The following CDKAL1 variants were observed in gnomAD, a reference collection of about 807,000 sequenced individuals.
CDKAL1 encodes the protein threonylcarbamoyladenosine tRNA methylthiotransferase.
CDKAL1 carries 32 observed loss-of-function variants against 68.2 expected under a neutral mutation model. The ratio of observed to expected loss-of-function variants is 0.47; its 90% CI spans 0.35 to 0.63. The LOEUF is 0.63. Among genes scored for constraint, CDKAL1 ranks in the 30% least tolerant of loss-of-function variants. CDKAL1 has a pLI of 0.00. For missense variants in CDKAL1, 606 were observed against 696.7 expected, an observed-to-expected ratio of 0.87 and a Z score of 1.47; for synonymous variants, 234 against 244.3, an observed-to-expected ratio of 0.96 and a Z score of 0.39.
chr6:21,038,047 G>C (rs1680267021), intron 11 of CDKAL1, among the ~76,000 whole-genome samples: 1 of 152,214 alleles, frequency 6.6e-6, no homozygotes, highest in Non-Finnish European at 1.5e-5. Flanking sequence ...CATGATTACT[G>C]TCCACAAGGA....
rs532922471 is a variant in CDKAL1 at position 20,635,042 on chromosome 6, A to G, written c.287-14251A>G. On this transcript the variant is annotated intron_variant, in intron 4 of 15. Coordinates refer to ENST00000274695, the MANE Select transcript of CDKAL1 (RefSeq NM_017774.3). ...TGATTCCTAGGGTTCTGGTTTCACC[A>G]TTTGGGGAGATGTGCCATTTATGGA... is the stretch of plus-strand genomic sequence containing the variant. Among the ~76,000 whole-genome samples the G allele has an allele frequency of 2.6e-5, 4 of 151,850 alleles. No homozygotes were observed. The East Asian group carries it at 7.7e-4, about 29-fold the overall frequency.
chr6:21,105,819 T>C (rs1339816794), intron 12 of CDKAL1, among the ~76,000 whole-genome samples: 1 of 152,158 alleles, frequency 6.6e-6, no homozygotes, highest in Non-Finnish European at 1.5e-5. Flanking sequence ...TCACAGAATT[T>C]TAAGATGTGG....
At position 21,093,694 on chromosome 6, in the gene CDKAL1, CTTTTTTTTTTTTTTTTTTTTT is replaced by C. The variant is rs547923386; in HGVS notation, c.1237-14687_1237-14667del. Among the ~76,000 whole-genome samples, 380 of 88,084 alleles carry C rather than the reference CTTTTTTTTTTTTTTTTTTTTT, an allele frequency of 4.3e-3. 5 individuals are homozygous for C. The highest frequency in any genetic ancestry group is 0.016 in the African/African-American group (356 of 21,932). 57.8% of individuals were successfully genotyped at this position (88,084 alleles called of 152,430 possible). ...ATAACCAACTGAGCTGCTGCTGCTG[CTTTTTTTTTTTTTTTTTTTTT>C]TTTTTTTTTTTTTTTTTTTGGAGAC... On this transcript the variant is annotated intron_variant, in intron 12 of 15. Transcript: ENST00000274695.
At chr6:20,723,508 G>A (rs1772489155) in intron 5 of CDKAL1, 1 of 155,464 alleles carries the variant, frequency 6.4e-6, no homozygotes. Context: ...GGCAGGCCGA[G>A]TAGAGGGGGC....
intron 4 of CDKAL1, among the ~76,000 whole-genome samples, chr6:20,618,594 G>T (rs1041924806): frequency 2.6e-5 from 4 of 152,084 alleles, no homozygotes; most frequent in African/African-American, 7.2e-5. Flanking sequence ...CTGCATTCTT[G>T]AGAATAAGCG....
intron 10 of CDKAL1, among the ~76,000 whole-genome samples, chr6:20,966,465 C>A (rs1765319362): frequency 6.6e-6 from 1 of 152,102 alleles, no homozygotes; most frequent in African/African-American, 2.4e-5. Flanking sequence ...GGGCACAATC[C>A]ATGTTTAATA....
At chr6:20,725,606 G>T (rs1581453532) in intron 5 of CDKAL1, among the ~76,000 whole-genome samples, 1 of 151,940 alleles carries the variant, frequency 6.6e-6, no homozygotes, top group South Asian at 2.1e-4. Context: ...CCAACATGGA[G>T]AAACCCTGTC....
At chr6:20,933,837 G>A (rs918106833) in intron 9 of CDKAL1, among the ~76,000 whole-genome samples, 1 of 151,680 alleles carries the variant, frequency 6.6e-6, no homozygotes, top group Non-Finnish European at 1.5e-5. Flanking sequence ...ATTTAAGGAC[G>A]TTTTATAGTA....
At chr6:20,807,957 A>G (rs986047283) in intron 8 of CDKAL1, among the ~76,000 whole-genome samples, 1 of 152,240 alleles carries the variant, frequency 6.6e-6, no homozygotes, top group Non-Finnish European at 1.5e-5. Context: ...ATTAATCTGT[A>G]TTGTAAATGA....
chr6:21,154,802 A>ACTAAAC (rs1297804199), intron 13 of CDKAL1, among the ~76,000 whole-genome samples: 3 of 152,278 alleles, frequency 2.0e-5, no homozygotes, highest in African/African-American at 7.2e-5. Context: ...ATCCTGGCCA[A>ACTAAAC]CATGATGAAA....
At chr6:20,747,213 TA>T (rs1368677167) in intron 6 of CDKAL1, among the ~76,000 whole-genome samples, 1 of 152,222 alleles carries the variant, frequency 6.6e-6, no homozygotes, top group Non-Finnish European at 1.5e-5. Context: ...TACTTAAATA[TA>T]CCACAATTAT....
At chr6:20,791,049 C>T (rs1262379926) in intron 8 of CDKAL1, among the ~76,000 whole-genome samples, 1 of 152,130 alleles carries the variant, frequency 6.6e-6, no homozygotes, top group Admixed American at 6.5e-5. Context: ...GTGGATTTGA[C>T]TTGTAGCTTG....
chr6:20,856,266 G>A (rs1759334570), intron 9 of CDKAL1, among the ~76,000 whole-genome samples: 1 of 152,170 alleles, frequency 6.6e-6, no homozygotes, highest in Non-Finnish European at 1.5e-5. Flanking sequence ...GGTTTAGTAG[G>A]TGCACAATAA....
At chr6:20,891,824 C>T (rs772394857) in intron 9 of CDKAL1, among the ~76,000 whole-genome samples, 6 of 152,148 alleles carry the variant, frequency 3.9e-5, no homozygotes, top group South Asian at 2.1e-4. Context: ...TGAGCCACGG[C>T]GCCTGGCCCA....
intron 9 of CDKAL1, among the ~76,000 whole-genome samples, chr6:20,931,456 C>T (rs760084737): frequency 3.3e-5 from 5 of 152,090 alleles, no homozygotes; most frequent in Non-Finnish European, 7.4e-5. Context: ...AGGGGAGTTT[C>T]GCTACTAACA....
At chr6:20,988,815 A>ATT (rs1766629074) in intron 10 of CDKAL1, among the ~76,000 whole-genome samples, 1 of 67,460 alleles carries the variant, frequency 1.5e-5, no homozygotes, top group Non-Finnish European at 3.6e-5. Flanking sequence ...ACTCCCAGTT[A>ATT]ATTTTTTTTC....
intron 7 of CDKAL1, among the ~76,000 whole-genome samples, chr6:20,762,668 A>G (rs1774520885): frequency 6.6e-6 from 1 of 152,228 alleles, no homozygotes; most frequent in Non-Finnish European, 1.5e-5. Context: ...GGTCAGGATT[A>G]AATGGATAAG....
Position 21,192,170 on chromosome 6 carries a change from C to A in CDKAL1, c.1300-5851C>A, listed in dbSNP as rs576077857. Among the ~76,000 whole-genome samples the A allele has an allele frequency of 6.0e-4, 89 of 148,280 alleles. 1 individual carries two copies. The highest frequency in any genetic ancestry group is 2.1e-3 in the African/African-American group (84 of 40,384). On this transcript the variant is annotated intron_variant, in intron 13 of 15. Transcript: ENST00000274695. ...CCGAGTAGCTGGGACTACAGGCGCC[C>A]ACCACCGCGCCCGGCTAATTTTTTG...
rs1054171427 is a variant in CDKAL1 at position 20,666,845 on chromosome 6, A to G, written c.371+17468A>G. Among the ~76,000 whole-genome samples, 8 of 152,176 alleles carry G rather than the reference A, an allele frequency of 5.3e-5. No homozygotes were observed. The East Asian group carries it at 1.2e-3, about 22-fold the overall frequency. ...ATTTAACTAGTTCTTTCTTTAATTAATATTTAGCTCTTCTAGTATCATCTT... is the reference window on the plus strand; with the variant it reads ...ATTTAACTAGTTCTTTCTTTAATTAGTATTTAGCTCTTCTAGTATCATCTT... On this transcript the variant is annotated intron_variant, in intron 5 of 15. Transcript: ENST00000274695.
Sources: allele counts gnomAD v4.1 joint callset (sites outside exome capture counted in the v4.1 genomes callset), GRCh38; gene constraint gnomAD v4.1.1; transcripts MANE v1.5; gene names NCBI Gene and HGNC (gene_info 2026-07-23, HGNC 2026-07-21).